Variants in MALRD1 observed in about 807,000 individuals in gnomAD.
MALRD1 encodes the protein MAM and LDL-receptor class A domain-containing protein 1.
A neutral mutation model predicts 242.1 loss-of-function variants in MALRD1; 247 were observed. The observed-to-expected ratio is 1.02, with a 90% CI of 0.92 to 1.13. MALRD1 has a LOEUF of 1.13. Ranked by LOEUF, MALRD1 falls within the 50% of genes most tolerant of loss-of-function variation. The pLI is 0.00. For synonymous variants in MALRD1, 995 were observed against 866.6 expected, an observed-to-expected ratio of 1.15 and a Z score of -2.60; for missense variants, 2,989 against 2,533.1, an observed-to-expected ratio of 1.18 and a Z score of -3.86.
At chr10:19,138,443 CAG>C (rs934462958) in intron 10 of MALRD1, among the ~76,000 whole-genome samples, 3 of 113,738 alleles carry the variant, frequency 2.6e-5, no homozygotes, top group Non-Finnish European at 3.8e-5. Flanking sequence ...TTTTTGGGGA[CAG>C]AGTCTTGCTC....
chr10:19,066,796 A>C lies in MALRD1; in HGVS notation c.277A>C (p.Thr93Pro). ...TQDQSLQPSW[T>P]KRSGMIGLSP... is the part of the protein sequence containing the mutation. Reference sequence around the variant, plus strand: ...AGATCAGAGTCTGCAACCTAGTTGGACAAAGAGAAGTGGGATGATTGGTCT... The same window carrying C: ...AGATCAGAGTCTGCAACCTAGTTGGCCAAAGAGAAGTGGGATGATTGGTCT... Residue 93 changes from threonine to proline, a missense_variant, in exon 2 of 40, where the codon ACA becomes CCA. Transcript: ENST00000454679. The C allele has an allele frequency of 8.1e-7, 1 of 1,233,736 alleles. No individual in the cohort carries two copies. Among genetic ancestry groups the C allele is most frequent in the Non-Finnish European group, 1.0e-6 (1 of 988,028 alleles). 76.4% of individuals were successfully genotyped at this position (1,233,736 alleles called of 1,614,324 possible).
chr10:19,142,011 A>C (rs11008645), intron 10 of MALRD1, among the ~76,000 whole-genome samples: 11,335 of 151,792 alleles, frequency 0.075, 548 homozygotes, highest in Non-Finnish European at 0.11. Context: ...TCTCTACTAA[A>C]AATATAAAAA....
chr10:19,260,047 G>A (rs1034209995), intron 19 of MALRD1, among the ~76,000 whole-genome samples: 3 of 152,150 alleles, frequency 2.0e-5, no homozygotes, highest in African/African-American at 7.2e-5. Flanking sequence ...GGATGGATAA[G>A]TAGGTAGAGG....
At chr10:19,110,879 G>A (rs962169350) in intron 5 of MALRD1, among the ~76,000 whole-genome samples, 2 of 152,108 alleles carry the variant, frequency 1.3e-5, no homozygotes, top group Admixed American at 6.5e-5. Flanking sequence ...CACATTCAAA[G>A]GAGAAAAAGG....
intron 19 of MALRD1, among the ~76,000 whole-genome samples, chr10:19,262,444 T>G (rs1368572829): frequency 6.6e-6 from 1 of 151,872 alleles, no homozygotes; most frequent in Non-Finnish European, 1.5e-5. Context: ...TCACCTAAGG[T>G]CAGGAGTTCA....
At chr10:19,227,009 A>G (rs930936942) in intron 18 of MALRD1, among the ~76,000 whole-genome samples, 20 of 152,084 alleles carry the variant, frequency 1.3e-4, no homozygotes, top group African/African-American at 4.6e-4. Flanking sequence ...GAGAAATTGA[A>G]TAGGTAGAAA....
chr10:19,561,426 T>A (rs1193448618), intron 32 of MALRD1, among the ~76,000 whole-genome samples: 1 of 152,234 alleles, frequency 6.6e-6, no homozygotes, highest in African/African-American at 2.4e-5. Context: ...AATCTTGGCA[T>A]CTTTAACTAT....
intron 14 of MALRD1, among the ~76,000 whole-genome samples, chr10:19,186,002 G>A (rs1034780050): frequency 2.6e-5 from 4 of 151,916 alleles, no homozygotes; most frequent in Admixed American, 1.3e-4. Flanking sequence ...TTTTAATTTT[G>A]TAAGGTCTGG....
At chr10:19,109,907 A>G (rs546860038) in intron 5 of MALRD1, among the ~76,000 whole-genome samples, 1 of 152,204 alleles carries the variant, frequency 6.6e-6, no homozygotes, top group East Asian at 1.9e-4. Flanking sequence ...AGCATCAAAA[A>G]CTGTGGCAAC....
At chr10:19,193,693 A>T (rs1836097782) in intron 14 of MALRD1, among the ~76,000 whole-genome samples, 1 of 152,224 alleles carries the variant, frequency 6.6e-6, no homozygotes, top group Non-Finnish European at 1.5e-5. Context: ...AGAGCAGGTT[A>T]TCTTGGGTAA....
intron 28 of MALRD1, among the ~76,000 whole-genome samples, chr10:19,445,410 G>C (rs531220527): frequency 3.7e-4 from 57 of 152,250 alleles, no homozygotes; most frequent in African/African-American, 1.3e-3. Flanking sequence ...AGAATTTTCA[G>C]CTTTTCTGCT....
At chr10:19,448,245 A>G (rs1277210888) in intron 28 of MALRD1, among the ~76,000 whole-genome samples, 1 of 151,976 alleles carries the variant, frequency 6.6e-6, no homozygotes, top group African/African-American at 2.4e-5. Flanking sequence ...TCATACCTAT[A>G]TGCTATAAAT....
chr10:19,068,610 T>A (rs1835050927), intron 2 of MALRD1, among the ~76,000 whole-genome samples: 1 of 152,106 alleles, frequency 6.6e-6, no homozygotes, highest in Admixed American at 6.6e-5. Flanking sequence ...TAGTCATGCA[T>A]CTCTTACAAA....
chr10:19,343,668 T>G (rs1044113607), intron 24 of MALRD1, among the ~76,000 whole-genome samples: 1 of 152,132 alleles, frequency 6.6e-6, no homozygotes, highest in African/African-American at 2.4e-5. Flanking sequence ...TCAAAATTGT[T>G]GTGTGTATAA....
chr10:19,692,866 A>ATT lies in MALRD1; in HGVS notation c.6314+313_6314+314dup, dbSNP rs1169307337. Among the ~76,000 whole-genome samples the ATT allele has an allele frequency of 5.0e-3, 156 of 30,982 alleles. 4 individuals carry two copies. Among genetic ancestry groups the ATT allele is most frequent in the African/African-American group, 0.02 (146 of 7,304 alleles). The allele number at this position is 30,982 out of a possible 152,430, so 20.3% of individuals were successfully genotyped here. A position where few individuals can be genotyped will look rare whatever the true frequency, so the allele number is the denominator to read the frequency against. Reference sequence around the variant, plus strand: ...TATATGAAATTTATATATAGATGAAATTATATATATATATATATATAATTT... The same window carrying ATT: ...TATATGAAATTTATATATAGATGAAATTTTATATATATATATATATATAATTT... On this transcript the variant is annotated intron_variant, in intron 38 of 39. Transcript: ENST00000454679.
chr10:19,389,575 C>G lies in MALRD1; in HGVS notation c.4811C>G (p.Ala1604Gly). ...ATGAGCTTCTGGTATTTCGTATCTG[C>G]AAAGGCCACAGGATCCATTCAGATT... Reference protein sequence around the residue: ...CTMSFWYFVSAKATGSIQILI... With the variant: ...CTMSFWYFVSGKATGSIQILI... The change falls in exon 28 of 40, where the codon GCA becomes GGA. Residue 1604 changes from alanine (A) to glycine (G), a missense_variant. Coordinates refer to ENST00000454679, the MANE Select transcript of MALRD1 (RefSeq NM_001142308.3). 1 of 1,550,628 alleles carries G rather than the reference C, an allele frequency of 6.4e-7. No homozygotes were observed. The highest frequency in any genetic ancestry group is 1.2e-5 in the South Asian group (1 of 84,048).
At chr10:19,584,956 A>G (rs1245989826) in intron 33 of MALRD1, among the ~76,000 whole-genome samples, 2 of 152,066 alleles carry the variant, frequency 1.3e-5, no homozygotes, top group Non-Finnish European at 2.9e-5. Flanking sequence ...TTCTTGTTGA[A>G]TTGATCCCTT....
At chr10:19,547,669 C>T (rs1457553587) in intron 32 of MALRD1, among the ~76,000 whole-genome samples, 2 of 148,644 alleles carry the variant, frequency 1.3e-5, no homozygotes, top group African/African-American at 4.9e-5. Flanking sequence ...AAAATGTGCT[C>T]GGTGTTGGTA....
chr10:19,491,549 A>G lies in MALRD1; in HGVS notation c.5062A>G (p.Thr1688Ala). The change falls in exon 30 of 40, where the codon ACT becomes GCT. Residue 1688 changes from threonine (T) to alanine (A), a missense_variant. Coordinates refer to ENST00000454679, the MANE Select transcript of MALRD1 (RefSeq NM_001142308.3). ...GATCTCTGAGCTTTGTCCGGAAATC[A>G]CTGATTTTTTGTGCCGGGACAAGAA... is the stretch of plus-strand genomic sequence containing the variant. ...GEISELCPEI[T>A]DFLCRDKKCI... is the part of the protein sequence containing the mutation. 1 of 1,550,208 alleles carries G rather than the reference A, an allele frequency of 6.5e-7. No homozygotes were observed.
Sources: allele counts gnomAD v4.1 joint callset (sites outside exome capture counted in the v4.1 genomes callset), GRCh38; gene constraint gnomAD v4.1.1; transcripts MANE v1.5; gene names NCBI Gene and HGNC (gene_info 2026-07-23, HGNC 2026-07-21).